The following FARS2 variants were observed in gnomAD, a reference collection of about 807,000 sequenced individuals.
FARS2 encodes phenylalanyl-tRNA synthetase 2, mitochondrial, also known as phenylalanine--tRNA ligase, mitochondrial.
Under a neutral mutation model 46.4 loss-of-function variants are expected in FARS2, and 40 were observed. That is an observed-to-expected ratio of 0.86 (90% CI 0.67 to 1.12). FARS2 has a LOEUF of 1.12. Among genes scored for constraint, FARS2 ranks in the 50% most tolerant of loss-of-function variants. FARS2 has a pLI of 0.00. For missense variants in FARS2, 513 were observed against 567.9 expected, an observed-to-expected ratio of 0.90 and a Z score of 0.98; for synonymous variants, 234 against 214.9, an observed-to-expected ratio of 1.09 and a Z score of -0.78.
chr6:5,722,562 A>G (rs1424506748), intron 6 of FARS2, among the ~76,000 whole-genome samples: 1 of 152,226 alleles, frequency 6.6e-6, no homozygotes, highest in African/African-American at 2.4e-5. Context: ...CTTGATGGCA[A>G]GAGCTCACAG....
chr6:5,286,891 G>A (rs1376274944), intron 1 of FARS2, among the ~76,000 whole-genome samples: 1 of 152,232 alleles, frequency 6.6e-6, no homozygotes, highest in African/African-American at 2.4e-5. Context: ...TTCTGAGAGT[G>A]AGAAACTCCT....
the FARS2 span, among the ~76,000 whole-genome samples, chr6:5,249,972 C>T: frequency 6.6e-6 from 1 of 152,116 alleles, no homozygotes; most frequent in African/African-American, 2.4e-5. Flanking sequence ...CTATTAGGTT[C>T]ATTATAGCCA....
chr6:5,381,161 C>T (rs1261083850), intron 2 of FARS2, among the ~76,000 whole-genome samples: 7 of 151,758 alleles, frequency 4.6e-5, no homozygotes, highest in East Asian at 3.9e-4. Flanking sequence ...CCACCACACC[C>T]GGCTAATTTT....
intron 4 of FARS2, among the ~76,000 whole-genome samples, chr6:5,497,168 G>A (rs751860728): frequency 5.9e-5 from 9 of 152,110 alleles, no homozygotes; most frequent in Non-Finnish European, 1.2e-4. Context: ...TATAAGAATG[G>A]TAGCATCGTT....
chr6:5,440,287 C>T (rs1016246784), intron 4 of FARS2, among the ~76,000 whole-genome samples: 17 of 152,072 alleles, frequency 1.1e-4, no homozygotes, highest in African/African-American at 4.1e-4. Context: ...TAGAATCATA[C>T]TTTGAATATT....
intron 5 of FARS2, among the ~76,000 whole-genome samples, chr6:5,589,174 G>C (rs1472035433): frequency 6.6e-6 from 1 of 152,130 alleles, no homozygotes; most frequent in African/African-American, 2.4e-5. Flanking sequence ...AAAGCCAAGA[G>C]CTAGAGCCAG....
chr6:5,635,672 C>CA (rs1398068122), intron 6 of FARS2, among the ~76,000 whole-genome samples: 5 of 152,292 alleles, frequency 3.3e-5, no homozygotes, highest in Admixed American at 3.3e-4. Context: ...CACCCAGCCC[C>CA]TCTGTGTGCA....
intron 6 of FARS2, among the ~76,000 whole-genome samples, chr6:5,693,721 G>A (rs1181858203): frequency 6.6e-6 from 1 of 152,174 alleles, no homozygotes; most frequent in Non-Finnish European, 1.5e-5. Flanking sequence ...GGCTAGGCTG[G>A]GATGAGGCAT....
At chr6:5,696,155 A>G (rs536581335) in intron 6 of FARS2, among the ~76,000 whole-genome samples, 6 of 152,320 alleles carry the variant, frequency 3.9e-5, no homozygotes, top group Admixed American at 2.0e-4. Flanking sequence ...AAAACTGAAA[A>G]TACACACTCT....
intron 6 of FARS2, among the ~76,000 whole-genome samples, chr6:5,712,719 TC>T (rs1430148347): frequency 6.6e-6 from 1 of 152,218 alleles, no homozygotes; most frequent in Non-Finnish European, 1.5e-5. Flanking sequence ...TCCAGCTCCC[TC>T]CCCACCTGTC....
chr6:5,740,520 G>A (rs930992569), intron 6 of FARS2, among the ~76,000 whole-genome samples: 1 of 149,574 alleles, frequency 6.7e-6, no homozygotes, highest in South Asian at 2.1e-4. Flanking sequence ...TTTCAAAAAA[G>A]CAAAATCCAT....
At chr6:5,618,701 T>C (rs1436666485) in intron 6 of FARS2, among the ~76,000 whole-genome samples, 1 of 152,216 alleles carries the variant, frequency 6.6e-6, no homozygotes, top group Non-Finnish European at 1.5e-5. Context: ...CAGCCAGTCA[T>C]TTAGAACCTT....
chr6:5,728,825 C>T (rs1402738886), intron 6 of FARS2, among the ~76,000 whole-genome samples: 1 of 152,226 alleles, frequency 6.6e-6, no homozygotes, highest in Non-Finnish European at 1.5e-5. Context: ...TTTCCTCTCT[C>T]AGCCACTGCG....
At chr6:5,295,689 C>T (rs553012202) in intron 1 of FARS2, among the ~76,000 whole-genome samples, 14 of 152,198 alleles carry the variant, frequency 9.2e-5, no homozygotes, top group Admixed American at 7.2e-4. Flanking sequence ...ACAGTAGAAT[C>T]GGTTGTTTTT....
chr6:5,356,727 C>T (rs184850119), intron 1 of FARS2, among the ~76,000 whole-genome samples: 1 of 151,716 alleles, frequency 6.6e-6, no homozygotes, highest in Non-Finnish European at 1.5e-5. Context: ...ACCAGAGGCT[C>T]GCAGGAAACC....
intron 6 of FARS2, among the ~76,000 whole-genome samples, chr6:5,752,218 C>T (rs932509837): frequency 6.6e-5 from 10 of 152,166 alleles, no homozygotes; most frequent in Non-Finnish European, 1.5e-5. Context: ...AGAGCTAAAC[C>T]ATGGGACATA....
intron 1 of FARS2, among the ~76,000 whole-genome samples, chr6:5,330,284 C>G (rs1385269810): frequency 6.6e-6 from 1 of 152,174 alleles, no homozygotes; most frequent in Non-Finnish European, 1.5e-5. Context: ...GTGTTGTCTT[C>G]TAAGTCTTAT....
chr6:5,644,099 T>C (rs1169467151), intron 6 of FARS2, among the ~76,000 whole-genome samples: 2 of 152,186 alleles, frequency 1.3e-5, no homozygotes, highest in African/African-American at 4.8e-5. Context: ...TCATTTGTCA[T>C]TAAGACAGCA....
chr6:5,318,016 C>T (rs1364701444), intron 1 of FARS2, among the ~76,000 whole-genome samples: 1 of 151,950 alleles, frequency 6.6e-6, no homozygotes, highest in Non-Finnish European at 1.5e-5. Context: ...TCATGAGCCA[C>T]GTGTCTCATT....
Sources: gnomAD v4.1 joint callset for allele counts (sites outside exome capture counted in the v4.1 genomes callset) on GRCh38, gnomAD v4.1.1 for gene constraint, MANE v1.5 for transcripts, NCBI Gene and HGNC (gene_info 2026-07-23, HGNC 2026-07-21) for gene names.